Variants in WDR43 observed in about 807,000 individuals in gnomAD.
WDR43 encodes the protein WD repeat-containing protein 43.
Under a neutral mutation model 91.4 loss-of-function variants are expected in WDR43, and 13 were observed. The observed-to-expected ratio is 0.14, with a 90% CI of 0.09 to 0.23. The LOEUF is 0.23. WDR43 is among the 10% of genes least tolerant of loss of function. WDR43 has a pLI of 1.00. For synonymous variants in WDR43, 331 were observed against 287.9 expected, an observed-to-expected ratio of 1.15 and a Z score of -1.51; for missense variants, 780 against 809.4, an observed-to-expected ratio of 0.96 and a Z score of 0.44.
intron 6 of WDR43, among the ~76,000 whole-genome samples, chr2:28,918,208 T>C (rs1670953410): frequency 6.6e-6 from 1 of 152,162 alleles, no homozygotes. Context: ...GGTAGTAAAT[T>C]CAGGAATTCA....
chr2:28,908,566 C>CTT (rs1558370472), intron 3 of WDR43, among the ~76,000 whole-genome samples: 4 of 151,620 alleles, frequency 2.6e-5, no homozygotes, highest in Non-Finnish European at 5.9e-5. Context: ...CCATTCAACA[C>CTT]GTGTGCGTTT....
At chr2:28,895,069 C>A in intron 1 of WDR43, 146 bp downstream of exon 1, 1 of 780,706 alleles carries the variant, frequency 1.3e-6, no homozygotes, top group Non-Finnish European at 1.7e-6. Flanking sequence ...GCGTTCAGGG[C>A]CCAAGCCGCC....
intron 13 of WDR43, 86 bp downstream of exon 13, chr2:28,937,039 ACT>A: frequency 1.5e-6 from 2 of 1,323,602 alleles, no homozygotes; most frequent in Non-Finnish European, 2.1e-6. Context: ...AACTAATAAA[ACT>A]CTTTCAGTGT....
intron 16 of WDR43, among the ~76,000 whole-genome samples, chr2:28,945,808 A>G (rs1049894078): frequency 1.3e-5 from 2 of 152,210 alleles, no homozygotes; most frequent in Admixed American, 6.5e-5. Context: ...TACATCTAAT[A>G]TATCAGTTGC....
chr2:28,912,829 A>G, intron 4 of WDR43, 119 bp downstream of exon 4: 1 of 1,361,732 alleles, frequency 7.3e-7, no homozygotes, highest in Non-Finnish European at 9.8e-7. Context: ...CAGGTACATC[A>G]AATAGTTTAG....
chr2:28,895,500 G>T (rs1315777693), intron 1 of WDR43: 1 of 152,172 alleles, frequency 6.6e-6, no homozygotes. Context: ...TACATTCTCA[G>T]CTTTTTGAAC....
chr2:28,922,734 G>A (rs913176942), intron 6 of WDR43, among the ~76,000 whole-genome samples, 185 bp from the exon 7 acceptor site: 3 of 150,140 alleles, frequency 2.0e-5, no homozygotes, highest in Admixed American at 6.6e-5. Context: ...CTAGAATCTT[G>A]ACAACACCAC....
At chr2:28,917,442 T>A (rs1297308167) in intron 5 of WDR43, among the ~76,000 whole-genome samples, 1 of 152,224 alleles carries the variant, frequency 6.6e-6, no homozygotes, top group South Asian at 2.1e-4. Flanking sequence ...GCATTCAAAA[T>A]CTTAGGCTTT....
At chr2:28,942,228 T>C (rs1166085996) in intron 15 of WDR43, 84 bp from the exon 16 acceptor site, 2 of 1,327,154 alleles carry the variant, frequency 1.5e-6, no homozygotes, top group East Asian at 2.5e-5. Flanking sequence ...CAGCAAGCAG[T>C]GGGGAAGGTT....
At chr2:28,903,844 G>A (rs371983803) in intron 2 of WDR43, among the ~76,000 whole-genome samples, 16 of 152,146 alleles carry the variant, frequency 1.1e-4, no homozygotes, top group African/African-American at 2.9e-4. Flanking sequence ...TCACTCTGTC[G>A]CCCAGGCTAG....
chr2:28,943,707 G>C (rs1671489580), intron 16 of WDR43, among the ~76,000 whole-genome samples: 1 of 152,128 alleles, frequency 6.6e-6, no homozygotes, highest in South Asian at 2.1e-4. Context: ...TTGTGGAGAA[G>C]ATAGCCTGCT....
intron 12 of WDR43, among the ~76,000 whole-genome samples, chr2:28,936,627 A>G (rs1455669657): frequency 6.6e-6 from 1 of 152,200 alleles, no homozygotes; most frequent in African/African-American, 2.4e-5. Context: ...GAAATCCTTT[A>G]TCTATTAGCA....
intron 1 of WDR43, among the ~76,000 whole-genome samples, chr2:28,897,491 C>T (rs1295908461): frequency 6.6e-6 from 1 of 152,062 alleles, no homozygotes; most frequent in African/African-American, 2.4e-5. Flanking sequence ...CTTTTAGGAT[C>T]CTCAGGATCA....
At chr2:28,906,870 A>G (rs957283216) in intron 3 of WDR43, among the ~76,000 whole-genome samples, 6 of 152,236 alleles carry the variant, frequency 3.9e-5, no homozygotes, top group Admixed American at 2.6e-4. Flanking sequence ...AAGGGATTTC[A>G]GTTGGACCTT....
In WDR43 at chr2:28,946,909, A is replaced by G. The variant is rs1034399717; in HGVS notation, c.*130A>G. 1.6e-5 allele frequency: 17 copies of G among 1,090,500 alleles called. No homozygotes were observed. Among genetic ancestry groups the G allele is most frequent in the Non-Finnish European group, 2.2e-5 (17 of 784,846 alleles). The allele number at this position is 1,090,500 out of a possible 1,614,324, so 67.6% of individuals were successfully genotyped here. Reference sequence around the variant, plus strand: ...AATTCACAGCAGTGGATCCCATGCCACTTTGCTGTCCTGAGCACCCCAGAC... The same window carrying G: ...AATTCACAGCAGTGGATCCCATGCCGCTTTGCTGTCCTGAGCACCCCAGAC... On this transcript the variant is annotated 3_prime_UTR_variant, in exon 18 of 18. Transcript: ENST00000407426.
chr2:28,898,681 G>C (rs538971156), intron 1 of WDR43, among the ~76,000 whole-genome samples: 1 of 151,912 alleles, frequency 6.6e-6, no homozygotes, highest in Non-Finnish European at 1.5e-5. Context: ...AATAAACTTA[G>C]TGGATTGTAA....
chr2:28,946,379 T>C (rs1482279848), intron 16 of WDR43, 71 bp from the exon 17 acceptor site: 77 of 1,420,204 alleles, frequency 5.4e-5, no homozygotes, highest in Non-Finnish European at 7.2e-5. Flanking sequence ...GGAATCTGGT[T>C]CTGCTTAATT....
chr2:28,899,116 C>T (rs972092070), intron 1 of WDR43, among the ~76,000 whole-genome samples: 3 of 152,206 alleles, frequency 2.0e-5, no homozygotes, highest in African/African-American at 7.2e-5. Context: ...GAAATCACCT[C>T]CTTGGGGTAT....
intron 1 of WDR43, among the ~76,000 whole-genome samples, chr2:28,901,729 G>C (rs1670580502): frequency 6.6e-6 from 1 of 152,102 alleles, no homozygotes; most frequent in Non-Finnish European, 1.5e-5. Context: ...TGTTAGGAGA[G>C]TACCAAGAAC....
Sources: allele counts gnomAD v4.1 joint callset (sites outside exome capture counted in the v4.1 genomes callset), GRCh38; gene constraint gnomAD v4.1.1; transcripts MANE v1.5; gene names NCBI Gene and HGNC (gene_info 2026-07-23, HGNC 2026-07-21).